GNS: variants seen among roughly 807,000 people sequenced by gnomAD.
The protein encoded by GNS is N-acetylglucosamine-6-sulfatase.
A neutral mutation model predicts 69.7 loss-of-function variants in GNS; 40 were observed. That is an observed-to-expected ratio of 0.57 (90% CI 0.45 to 0.75). GNS has a LOEUF of 0.75. GNS is among the 30% of genes least tolerant of loss of function. The pLI is 0.00. For missense variants in GNS, 565 were observed against 685.5 expected (o/e 0.82, Z 1.96); for synonymous variants, 243 against 251.6 (o/e 0.97, Z 0.32).
intron 1 of GNS, among the ~76,000 whole-genome samples, chr12:64,758,467 T>G (rs1448823919): frequency 3.9e-5 from 6 of 151,938 alleles, no homozygotes; most frequent in African/African-American, 1.4e-4. Context: ...GGACTACAGC[T>G]GCGCGCCACC....
intron 1 of GNS, among the ~76,000 whole-genome samples, chr12:64,757,203 A>C (rs1271376084): frequency 6.6e-6 from 1 of 152,168 alleles, no homozygotes; most frequent in African/African-American, 2.4e-5. Flanking sequence ...TGGCTTAACG[A>C]AGCAAATTGG....
At chr12:64,742,758 T>C (rs1869786746) in intron 6 of GNS, among the ~76,000 whole-genome samples, 1 of 152,168 alleles carries the variant, frequency 6.6e-6, no homozygotes, top group African/African-American at 2.4e-5. Context: ...TCCAACCATA[T>C]TGCTCTGTGC....
Position 64,759,351 on chromosome 12 carries a change from C to T in GNS, c.-75G>A. ...CACAGGTAGCTGAAGGGCGAGAGGC[C>T]GACCAGCCGAAGGAATAAAAAGCCG... On this transcript the variant is annotated 5_prime_UTR_variant, in exon 1 of 14. Transcript: ENST00000258145. The T allele has an allele frequency of 9.9e-7, 1 of 1,010,650 alleles. No homozygotes were observed. The allele number at this position is 1,010,650 out of a possible 1,614,324, so 62.6% of individuals were successfully genotyped here. A position where few individuals can be genotyped will look rare whatever the true frequency, so the allele number is the denominator to read the frequency against.
intron 7 of GNS, among the ~76,000 whole-genome samples, chr12:64,739,833 GAGAGT>G (rs1869675440): frequency 5.9e-5 from 9 of 152,216 alleles, no homozygotes; most frequent in Admixed American, 5.9e-4. Context: ...CAATAGTGAT[GAGAGT>G]AGAGACAATC....
intron 9 of GNS, among the ~76,000 whole-genome samples, chr12:64,732,166 G>GTTTTTTTTTT: frequency 1.0e-5 from 1 of 98,590 alleles, no homozygotes; most frequent in African/African-American, 4.1e-5. Context: ...TTTTTTTTTT[G>GTTTTTTTTTT]TTGTTTTTTT....
intron 7 of GNS, among the ~76,000 whole-genome samples, chr12:64,740,120 T>C (rs1398720466): frequency 2.0e-5 from 3 of 152,260 alleles, no homozygotes; most frequent in African/African-American, 7.2e-5. Flanking sequence ...ATATTTACTA[T>C]CTGCCCCTTT....
chr12:64,718,118 T>C (rs554674519), intron 13 of GNS, among the ~76,000 whole-genome samples: 4 of 152,348 alleles, frequency 2.6e-5, no homozygotes, highest in Non-Finnish European at 4.4e-5. Context: ...TCACAGGATC[T>C]GGTCTGATGA....
intron 7 of GNS, 112 bp downstream of exon 7, chr12:64,740,494 G>T: frequency 1.3e-6 from 1 of 754,334 alleles, no homozygotes. Context: ...CCACTGACTT[G>T]CTTCCCTCTG....
At position 64,759,364 on chromosome 12, in the gene GNS, G is replaced by T. The variant is rs1385084702; in HGVS notation, c.-88C>A. 9 of 912,218 alleles carry T rather than the reference G, an allele frequency of 9.9e-6. No individual in the cohort carries two copies. In the East Asian group the frequency reaches 2.1e-4, roughly 22 times the overall value. The allele number at this position is 912,218 out of a possible 1,614,324, so 56.5% of individuals were successfully genotyped here. On this transcript the variant is annotated 5_prime_UTR_variant, in exon 1 of 14. Transcript: ENST00000258145. ...AGGGCGAGAGGCCGACCAGCCGAAG[G>T]AATAAAAAGCCGTGCCTTGAAGGCC...
chr12:64,737,208 G>A, intron 8 of GNS, 101 bp from the exon 9 acceptor site: 2 of 748,960 alleles, frequency 2.7e-6, no homozygotes, highest in Non-Finnish European at 4.8e-6. Flanking sequence ...AAACAACTTT[G>A]TTCTACTGAT....
Position 64,744,887 on chromosome 12 carries a change from A to G in GNS, c.546T>C (p.Tyr182=), listed in dbSNP as rs201264263. The change falls in exon 5 of 14, where the codon TAT becomes TAC. Residue 182 remains tyrosine, a synonymous_variant. Coordinates refer to ENST00000258145, the MANE Select transcript of GNS (RefSeq NM_002076.4). ...TCCCATTGATAGACAGGGTGTAATT[A>G]TAATACTTAGAATTCTTTTCCTATT... ...WYALEKNSKY[Y]NYTLSINGKA... is the part of the protein sequence containing the mutation. 4.0e-6 allele frequency: 6 copies of G among 1,500,168 alleles called. No individual in the cohort carries two copies. The highest frequency in any genetic ancestry group is 5.6e-6 in the Non-Finnish European group (6 of 1,076,000). The allele number at this position is 1,500,168 out of a possible 1,614,324, so 92.9% of individuals were successfully genotyped here.
In GNS at chr12:64,721,580, A is replaced by T; in HGVS notation, c.1419+15T>A. ...AGAAAGGAGCGGGGGAAGTGCAGGC[A>T]GAAGTCCCTCTTACCTCCTGGTCAT... On this transcript the variant is annotated intron_variant, in intron 12 of 13. Transcript: ENST00000258145. The T allele has an allele frequency of 8.3e-7, 1 of 1,197,914 alleles. No homozygotes were observed. Among genetic ancestry groups the T allele is most frequent in the Non-Finnish European group, 1.3e-6 (1 of 799,402 alleles). The allele number at this position is 1,197,914 out of a possible 1,614,324, so 74.2% of individuals were successfully genotyped here.
chr12:64,734,136 G>T (rs896958389), intron 9 of GNS, among the ~76,000 whole-genome samples: 1 of 152,200 alleles, frequency 6.6e-6, no homozygotes. Context: ...GAAAGCTGGG[G>T]CATTTCATGC....
In GNS at chr12:64,747,838, G is replaced by C. The variant is rs1199190795; in HGVS notation, c.333C>G (p.Asn111Lys). 2 of 1,608,808 alleles carry C rather than the reference G, an allele frequency of 1.2e-6. No individual in the cohort carries two copies. The highest frequency in any genetic ancestry group is 3.3e-5 in the Admixed American group (2 of 60,012). The change falls in exon 3 of 14, where the codon AAC becomes AAG. Residue 111 changes from asparagine (N) to lysine (K), a missense_variant. By Grantham distance (94) the Asn-to-Lys change is moderately conservative (BLOSUM62 0). Around this residue, in one of 2 missense-constraint regions of GNS, gnomAD observed 181 missense variants for 174.4 expected, o/e 1.04. Coordinates refer to ENST00000258145, the MANE Select transcript of GNS (RefSeq NM_002076.4). ...TACTGCAGTTCCCCTCCAGAGTGTTGTTCACAACGTGATGATTATGTGGGT... is the reference window on the plus strand; with the variant it reads ...TACTGCAGTTCCCCTCCAGAGTGTTCTTCACAACGTGATGATTATGTGGGT... The part of the protein sequence containing the change: ...GKYPHNHHVV[N>K]NTLEGNCSSK...
intron 11 of GNS, 23 bp from the exon 12 acceptor site, chr12:64,721,728 A>G (rs761729974): frequency 7.7e-6 from 9 of 1,162,074 alleles, no homozygotes; most frequent in Non-Finnish European, 1.2e-5. Context: ...TTCAAAAGTT[A>G]AATGAAGACA....
At chr12:64,717,010 C>T (rs1285328791) in intron 13 of GNS, among the ~76,000 whole-genome samples, 191 bp from the exon 14 acceptor site, 1 of 152,192 alleles carries the variant, frequency 6.6e-6, no homozygotes, top group Non-Finnish European at 1.5e-5. Flanking sequence ...TCAGCACACA[C>T]AAAGTCACAC....
At chr12:64,744,378 G>C (rs190915024) in intron 5 of GNS, among the ~76,000 whole-genome samples, 39 of 152,152 alleles carry the variant, frequency 2.6e-4, no homozygotes, top group African/African-American at 9.4e-4. Flanking sequence ...AATTTCACCT[G>C]CTTTCAGTAA....
At chr12:64,721,560 G>A in intron 12 of GNS, 35 bp downstream of exon 12, 2 of 954,726 alleles carry the variant, frequency 2.1e-6, no homozygotes, top group Non-Finnish European at 3.5e-6. Flanking sequence ...CAGCAAGAAA[G>A]GAGCGGGGGA....
At chr12:64,746,271 T>A (rs1007755202) in intron 3 of GNS, 1 of 164,830 alleles carries the variant, frequency 6.1e-6, no homozygotes, top group Non-Finnish European at 1.3e-5. Flanking sequence ...GCTGATACCA[T>A]AGACTGAATA....
Sources: gnomAD v4.1 joint callset for allele counts (sites outside exome capture counted in the v4.1 genomes callset) on GRCh38, gnomAD v4.1.1 for gene constraint, gnomAD v4.1.1 regional missense constraint, MANE v1.5 for transcripts, NCBI Gene and HGNC (gene_info 2026-07-23, HGNC 2026-07-21) for gene names.